Variants in ANKRD36 observed in about 807,000 individuals in gnomAD.
ANKRD36 encodes the protein ankyrin repeat domain 36.
In ANKRD36, 179 loss-of-function variants were observed where a neutral mutation model predicts 278.1. The observed-to-expected ratio is 0.64, with a 90% CI of 0.57 to 0.73. The LOEUF (loss-of-function observed/expected upper bound fraction) is 0.73, where lower values mean the gene tolerates loss of function less well. Among genes scored for constraint, ANKRD36 ranks in the 30% least tolerant of loss-of-function variants. The probability of loss-of-function intolerance (pLI) is 0.00; values close to 1 mark genes in which losing one functional copy is unlikely to be tolerated. For missense variants in ANKRD36, 1,159 were observed against 1,956.7 expected (o/e 0.59, Z 7.69); for synonymous variants, 320 against 641.1 (o/e 0.50, Z 7.57).
intron 22 of ANKRD36, among the ~76,000 whole-genome samples, chr2:97,169,230 T>C (rs1176627406): frequency 3.3e-5 from 5 of 152,272 alleles, no homozygotes; most frequent in Non-Finnish European, 7.3e-5. Context: ...CTTTTTTTCA[T>C]GTGTTTACTG....
intron 24 of ANKRD36, 77 bp downstream of exon 24, chr2:97,180,010 G>T: frequency 6.3e-7 from 1 of 1,588,916 alleles, no homozygotes; most frequent in Non-Finnish European, 8.5e-7. Context: ...TAAATCAGTG[G>T]GGAGTCCATC....
At chr2:97,202,622 T>A (rs2061700690) in intron 48 of ANKRD36, among the ~76,000 whole-genome samples, 1 of 151,822 alleles carries the variant, frequency 6.6e-6, no homozygotes, top group South Asian at 2.1e-4. Flanking sequence ...AGAATATACA[T>A]GGAGAGCAGT....
chr2:97,201,851 A>C (rs560067567), intron 46 of ANKRD36, among the ~76,000 whole-genome samples: 1 of 152,020 alleles, frequency 6.6e-6, no homozygotes, highest in East Asian at 1.9e-4. Flanking sequence ...ATCATGTAGC[A>C]CCTGCTTTGA....
chr2:97,248,392 G>A (rs1265314119), intron 72 of ANKRD36: 1 of 114,026 alleles, frequency 8.8e-6, no homozygotes, highest in Non-Finnish European at 1.5e-5. Context: ...CATGTTTAAT[G>A]GACATCTTTG....
At position 97,136,989 on chromosome 2, in the gene ANKRD36, A is replaced by G. The variant is rs2041688475; in HGVS notation, c.800-5651A>G. 2.0e-5 allele frequency among the ~76,000 whole-genome samples: 3 copies of G among 152,130 alleles called. No individual in the cohort carries two copies. The South Asian group carries it at 6.3e-4, about 32-fold the overall frequency. ...AGAAAGGAAAAAGGGTTCTTAATTC[A>G]TTAGTTGCCTACAAATAGTATAAAT... On this transcript the variant is annotated intron_variant, in intron 6 of 75. Coordinates refer to ENST00000420699, the MANE Select transcript of ANKRD36 (RefSeq NM_001354587.1).
At position 97,206,148 on chromosome 2, in the gene ANKRD36, A is replaced by G; in HGVS notation, c.3163+13A>G. 1 of 1,528,284 alleles carries G rather than the reference A, an allele frequency of 6.5e-7. No individual in the cohort carries two copies. The highest frequency in any genetic ancestry group is 8.8e-7 in the Non-Finnish European group (1 of 1,139,050). The allele number at this position is 1,528,284 out of a possible 1,614,324, so 94.7% of individuals were successfully genotyped here. A position where few individuals can be genotyped will look rare whatever the true frequency, so the allele number is the denominator to read the frequency against. ...AAATCTAGGACAGGTAATTCTGAAA[A>G]CAGATTTAATGCCATGTTCAGTCGA... is the stretch of plus-strand genomic sequence containing the variant. On this transcript the variant is annotated intron_variant, in intron 52 of 75. Transcript: ENST00000420699.
At chr2:97,212,660 C>G (rs1367881200) in intron 58 of ANKRD36, 3 of 153,796 alleles carry the variant, frequency 2.0e-5, no homozygotes, top group African/African-American at 7.2e-5. Context: ...GAATGTAAAA[C>G]TTATTAATAT....
At chr2:97,142,916 T>C in intron 8 of ANKRD36, 81 bp downstream of exon 8, 1 of 1,436,510 alleles carries the variant, frequency 7.0e-7, no homozygotes, top group Non-Finnish European at 9.3e-7. Context: ...CGCAGGGAGC[T>C]CATTGAATCT....
At position 97,207,746 on chromosome 2, in the gene ANKRD36, A is replaced by G. The variant is rs922725676; in HGVS notation, c.3164-65A>G. ...GGACAGAGGTTGATGCTAACACTGT[A>G]TGAATGTATGGATAATTTTGTCATT... On this transcript the variant is annotated intron_variant, in intron 52 of 75. Transcript: ENST00000420699. The G allele has an allele frequency of 9.1e-6, 14 of 1,535,888 alleles. No homozygotes were observed. In the South Asian group the frequency reaches 1.4e-4, roughly 16 times the overall value.
At chr2:97,178,070 T>C (rs2054866384) in intron 22 of ANKRD36, among the ~76,000 whole-genome samples, 1 of 149,772 alleles carries the variant, frequency 6.7e-6, no homozygotes, top group Non-Finnish European at 1.5e-5. Context: ...AAAAAACACA[T>C]GAAAAAATGC....
intron 67 of ANKRD36, among the ~76,000 whole-genome samples, chr2:97,233,009 TAA>T (rs796667881): frequency 9.4e-4 from 136 of 144,578 alleles, no homozygotes; most frequent in African/African-American, 1.6e-3. Flanking sequence ...GCATGTGATT[TAA>T]AAAAAAAAAA....
At position 97,198,536 on chromosome 2, in the gene ANKRD36, C is replaced by T. The variant is rs6760562; in HGVS notation, c.2682+45C>T. The T allele has an allele frequency of 5.0e-3, 7,813 of 1,564,320 alleles. 154 individuals are homozygous for T. The African/African-American group carries it at 0.094, about 19-fold the overall frequency. Reference sequence around the variant, plus strand: ...TATTGTGACCTAGTAAATGCATAGTCTATGAAACATACTTTATTAATTTAT... The same window carrying T: ...TATTGTGACCTAGTAAATGCATAGTTTATGAAACATACTTTATTAATTTAT... On this transcript the variant is annotated intron_variant, in intron 43 of 75. Transcript: ENST00000420699.
intron 48 of ANKRD36, among the ~76,000 whole-genome samples, chr2:97,203,011 C>T (rs2061823360): frequency 6.6e-6 from 1 of 151,762 alleles, no homozygotes; most frequent in South Asian, 2.1e-4. Context: ...GGAAGCAATC[C>T]TAGAACTGGC....
chr2:97,146,816 C>G (rs1026869154), intron 11 of ANKRD36, among the ~76,000 whole-genome samples: 28 of 151,704 alleles, frequency 1.8e-4, no homozygotes, highest in African/African-American at 6.5e-4. Flanking sequence ...TCATTTGCCC[C>G]TAAGCATAGA....
In ANKRD36 at chr2:97,202,237, A is replaced by C; in HGVS notation, c.2886+7A>C. 6.2e-7 allele frequency: 1 copy of C among 1,609,008 alleles called. No individual in the cohort carries two copies. The highest frequency in any genetic ancestry group is 2.2e-5 in the East Asian group (1 of 44,660). On this transcript the variant is annotated splice_region_variant and intron_variant, in intron 47 of 75. Coordinates refer to ENST00000420699, the MANE Select transcript of ANKRD36 (RefSeq NM_001354587.1). ...GAAACCACCAGCCTTGAAGGTAATG[A>C]AACTCCCATTTATCTTGTGAACGAG...
At position 97,188,862 on chromosome 2, in the gene ANKRD36, G is replaced by A. The variant is rs1434368764; in HGVS notation, c.2144-225G>A. ...TTTATTTTAGTTTTCGACATATGACGAATCATACCATGTTTGAAATTGTAA... is the reference window on the plus strand; with the variant it reads ...TTTATTTTAGTTTTCGACATATGACAAATCATACCATGTTTGAAATTGTAA... On this transcript the variant is annotated intron_variant, in intron 32 of 75. Coordinates refer to ENST00000420699, the MANE Select transcript of ANKRD36 (RefSeq NM_001354587.1). Among the ~76,000 whole-genome samples the A allele has an allele frequency of 1.7e-4, 15 of 89,998 alleles. 2 individuals are homozygous for A. Among genetic ancestry groups the A allele is most frequent in the East Asian group, 6.6e-4 (3 of 4,558 alleles). 59.0% of individuals were successfully genotyped at this position (89,998 alleles called of 152,430 possible).
chr2:97,203,319 C>T (rs9636495), intron 48 of ANKRD36, among the ~76,000 whole-genome samples: 92,264 of 151,486 alleles, frequency 0.61, 31,116 homozygotes, highest in Non-Finnish European at 0.79. Context: ...TGATCAATAT[C>T]TAATGCTTGT....
intron 6 of ANKRD36, among the ~76,000 whole-genome samples, chr2:97,127,812 T>A (rs2039011427): frequency 6.6e-6 from 1 of 152,044 alleles, no homozygotes. Context: ...CATGCCTTCT[T>A]CATTTGTTTT....
In ANKRD36 at chr2:97,226,943, C is replaced by T. The variant is rs189556192; in HGVS notation, c.3951+2064C>T. Among the ~76,000 whole-genome samples, 300 of 151,912 alleles carry T rather than the reference C, an allele frequency of 2.0e-3. No homozygotes were observed. The East Asian group carries it at 0.053, about 27-fold the overall frequency. On this transcript the variant is annotated intron_variant, in intron 67 of 75. Transcript: ENST00000420699. ...CAAAGATCAGATAGTTGTAGATATG[C>T]GGCGTTATTTCTGATGGCTCTGTTC... is the stretch of plus-strand genomic sequence containing the variant.
Sources: gnomAD v4.1 joint callset for allele counts (sites outside exome capture counted in the v4.1 genomes callset) on GRCh38, gnomAD v4.1.1 for gene constraint, MANE v1.5 for transcripts, NCBI Gene and HGNC (gene_info 2026-07-23, HGNC 2026-07-21) for gene names.